The following DLGAP2 variants were observed in gnomAD, a reference collection of about 807,000 sequenced individuals.
DLGAP2 encodes disks large-associated protein 2.
A neutral mutation model predicts 100.3 loss-of-function variants in DLGAP2; 26 were observed. The ratio of observed to expected loss-of-function variants is 0.26; its 90% CI spans 0.19 to 0.36. The LOEUF is 0.36. Among genes scored for constraint, DLGAP2 ranks in the 10% least tolerant of loss-of-function variants. The probability of loss-of-function intolerance (pLI) is 1.00; values close to 1 mark genes in which losing one functional copy is unlikely to be tolerated. For synonymous variants in DLGAP2, 886 were observed against 630.1 expected (o/e 1.41, Z -6.08); for missense variants, 1,858 against 1,453.2 (o/e 1.28, Z -4.53).
chr8:1,679,712 T>G (rs561744442), intron 12 of DLGAP2, among the ~76,000 whole-genome samples: 4 of 152,326 alleles, frequency 2.6e-5, no homozygotes, highest in African/African-American at 9.6e-5. Context: ...CCAGGCACGG[T>G]GGCTCACGCC....
At chr8:1,291,888 C>A (rs1025142981) in intron 3 of DLGAP2, among the ~76,000 whole-genome samples, 1 of 152,182 alleles carries the variant, frequency 6.6e-6, no homozygotes, top group Non-Finnish European at 1.5e-5. Context: ...TCCAGTCTTG[C>A]CCTTGACTAA....
At chr8:1,190,542 C>G (rs1372528456) in intron 2 of DLGAP2, among the ~76,000 whole-genome samples, 1 of 152,160 alleles carries the variant, frequency 6.6e-6, no homozygotes, top group Non-Finnish European at 1.5e-5. Flanking sequence ...CTCTGGCCGC[C>G]CCGTCCTTGC....
At chr8:1,516,102 T>C (rs1026700430) in intron 4 of DLGAP2, among the ~76,000 whole-genome samples, 3 of 150,724 alleles carry the variant, frequency 2.0e-5, no homozygotes, top group Admixed American at 2.0e-4. Flanking sequence ...AATGAGTGAC[T>C]GAGTGAATGA....
In DLGAP2 at chr8:1,039,405, T is replaced by A. The variant is rs915803066; in HGVS notation, c.73+131439T>A. ...AGCTCGGTTTCCGTGCTAAGCTTGG[T>A]TTCTGTGGTCAGCTCGGTTTCTGTA... On this transcript the variant is annotated intron_variant, in intron 2 of 14. Coordinates refer to ENST00000637795, the MANE Select transcript of DLGAP2 (RefSeq NM_001346810.2). Among the ~76,000 whole-genome samples the A allele has an allele frequency of 2.0e-5, 3 of 149,020 alleles. No homozygotes were observed. In the East Asian group the frequency reaches 6.0e-4, roughly 30 times the overall value.
chr8:848,720 G>T (rs1797116286), intron 1 of DLGAP2, among the ~76,000 whole-genome samples: 2 of 40,930 alleles, frequency 4.9e-5, no homozygotes, highest in African/African-American at 1.1e-4. Flanking sequence ...GCGTGTTCCA[G>T]TGTAGGGTCG....
chr8:1,211,419 G>A (rs1369107535), intron 2 of DLGAP2, among the ~76,000 whole-genome samples: 2 of 152,172 alleles, frequency 1.3e-5, no homozygotes, highest in Admixed American at 6.5e-5. Flanking sequence ...AAAGGATTTC[G>A]CTTTTTAACG....
intron 4 of DLGAP2, among the ~76,000 whole-genome samples, chr8:1,525,191 C>CTTT (rs56358216): frequency 3.4e-4 from 35 of 103,632 alleles, no homozygotes; most frequent in African/African-American, 8.3e-4. Flanking sequence ...ACTCTGATGT[C>CTTT]TTTTTTTTTT....
intron 2 of DLGAP2, among the ~76,000 whole-genome samples, chr8:1,241,615 C>T (rs1798798900): frequency 6.6e-6 from 1 of 152,202 alleles, no homozygotes; most frequent in Non-Finnish European, 1.5e-5. Context: ...TTTCACTCCA[C>T]ACTGGTCTTA....
chr8:960,967 G>A (rs1799712032), intron 2 of DLGAP2, among the ~76,000 whole-genome samples: 1 of 152,184 alleles, frequency 6.6e-6, no homozygotes, highest in Non-Finnish European at 1.5e-5. Flanking sequence ...ATTCCAAAAA[G>A]TAATTGTGCT....
At chr8:1,262,439 C>T (rs957708398) in intron 3 of DLGAP2, 12 of 152,106 alleles carry the variant, frequency 7.9e-5, no homozygotes, top group Non-Finnish European at 1.2e-4. Flanking sequence ...CCAACTAAAT[C>T]CTTGAAATGC....
intron 4 of DLGAP2, among the ~76,000 whole-genome samples, chr8:1,533,222 G>T (rs1431353028): frequency 6.6e-6 from 1 of 152,082 alleles, no homozygotes; most frequent in African/African-American, 2.4e-5. Context: ...TTTTCAACCG[G>T]GCGCAGTGGC....
intron 4 of DLGAP2, among the ~76,000 whole-genome samples, chr8:1,547,334 A>C (rs10099335): frequency 0.47 from 71,753 of 151,782 alleles, 17,150 homozygotes; most frequent in East Asian, 0.57. Context: ...GCTGAGAAGA[A>C]CAGGGCTCCC....
At position 1,249,942 on chromosome 8, in the gene DLGAP2, G is replaced by A. The variant is rs897142657; in HGVS notation, c.74-8909G>A. 6.6e-5 allele frequency among the ~76,000 whole-genome samples: 10 copies of A among 151,898 alleles called. No homozygotes were observed. In the East Asian group the frequency reaches 1.2e-3, roughly 18 times the overall value. ...GTCACCCAGGCTGGAGTGCAGTGGC[G>A]TGATCTCAGCTCACTGCAACCTCTG... On this transcript the variant is annotated intron_variant, in intron 2 of 14. Coordinates refer to ENST00000637795, the MANE Select transcript of DLGAP2 (RefSeq NM_001346810.2).
At chr8:949,755 CAG>C (rs2129007444) in intron 2 of DLGAP2, among the ~76,000 whole-genome samples, 1 of 152,316 alleles carries the variant, frequency 6.6e-6, no homozygotes. Context: ...CAGGAACGGG[CAG>C]AGAGTAGAGC....
intron 2 of DLGAP2, among the ~76,000 whole-genome samples, chr8:1,134,036 C>T (rs1022428689): frequency 6.6e-6 from 1 of 151,958 alleles, no homozygotes; most frequent in Admixed American, 6.6e-5. Context: ...ATGTTGGTCC[C>T]CTTTATGCAT....
chr8:1,598,878 C>G (rs1047646944), intron 6 of DLGAP2, among the ~76,000 whole-genome samples: 2 of 152,104 alleles, frequency 1.3e-5, no homozygotes, highest in African/African-American at 4.8e-5. Context: ...CAGTTCTTCT[C>G]TAATCTGAGT....
chr8:1,184,878 G>A (rs1232969226), intron 2 of DLGAP2, among the ~76,000 whole-genome samples: 3 of 152,176 alleles, frequency 2.0e-5, no homozygotes, highest in Non-Finnish European at 4.4e-5. Flanking sequence ...CTCCAGGTTG[G>A]AGGGAGCTCA....
intron 3 of DLGAP2, among the ~76,000 whole-genome samples, chr8:1,410,185 T>G (rs1796687881): frequency 6.6e-6 from 1 of 152,132 alleles, no homozygotes; most frequent in South Asian, 2.1e-4. Flanking sequence ...ACTGCAAGCT[T>G]CGATCAGGGC....
At chr8:1,570,740 T>C (rs1802621898) in intron 6 of DLGAP2, among the ~76,000 whole-genome samples, 1 of 139,658 alleles carries the variant, frequency 7.2e-6, no homozygotes, top group African/African-American at 2.8e-5. Context: ...AGGGACATCT[T>C]CTGGGATGGA....
Sources: allele counts gnomAD v4.1 joint callset (sites outside exome capture counted in the v4.1 genomes callset), GRCh38; gene constraint gnomAD v4.1.1; transcripts MANE v1.5; gene names NCBI Gene and HGNC (gene_info 2026-07-23, HGNC 2026-07-21).